ZHX2: variants seen among roughly 807,000 people sequenced by gnomAD.
ZHX2 encodes zinc fingers and homeoboxes protein 2.
Under a neutral mutation model 21.9 loss-of-function variants are expected in ZHX2, and 6 were observed. That is an observed-to-expected ratio of 0.27 (90% CI 0.15 to 0.54). The LOEUF is 0.54. ZHX2 is among the 20% of genes least tolerant of loss of function. The pLI, the probability that ZHX2 is intolerant of heterozygous loss-of-function variation, is 0.95. For synonymous variants in ZHX2, 434 were observed against 437.1 expected (o/e 0.99, Z 0.09); for missense variants, 908 against 1,090.7 (o/e 0.83, Z 2.36).
At chr8:122,943,411 C>T (rs1443972688) in intron 2 of ZHX2, among the ~76,000 whole-genome samples, 2 of 152,196 alleles carry the variant, frequency 1.3e-5, no homozygotes, top group African/African-American at 4.8e-5. Flanking sequence ...TGACCTTGAC[C>T]AAGCTCCTTA....
At chr8:122,890,718 A>C (rs1393948515) in intron 2 of ZHX2, among the ~76,000 whole-genome samples, 1 of 152,022 alleles carries the variant, frequency 6.6e-6, no homozygotes, top group Non-Finnish European at 1.5e-5. Flanking sequence ...TCTTGTAGCT[A>C]TTGTAAATGG....
intron 1 of ZHX2, among the ~76,000 whole-genome samples, chr8:122,850,251 G>A (rs56867117): frequency 6.6e-6 from 1 of 152,244 alleles, no homozygotes; most frequent in African/African-American, 2.4e-5. Flanking sequence ...TTTGATGGGT[G>A]TGAGTGACGC....
intron 1 of ZHX2, among the ~76,000 whole-genome samples, chr8:122,812,971 G>A (rs972731679): frequency 6.6e-6 from 1 of 152,148 alleles, no homozygotes; most frequent in Admixed American, 6.5e-5. Flanking sequence ...CAAGGCAGGC[G>A]GTTCACCTGA....
Position 122,854,748 on chromosome 8 carries a change from A to G in ZHX2, c.-282-8729A>G, listed in dbSNP as rs553479739. On this transcript the variant is annotated intron_variant, in intron 1 of 3. Transcript: ENST00000314393. Reference sequence around the variant, plus strand: ...CTATGCATCTTTCAATCCAGCTCCCATGGCACCTCCAACCAGGCTGCCCTT... The same window carrying G: ...CTATGCATCTTTCAATCCAGCTCCCGTGGCACCTCCAACCAGGCTGCCCTT... 1.1e-4 allele frequency among the ~76,000 whole-genome samples: 17 copies of G among 152,228 alleles called. No homozygotes were observed. In the South Asian group the frequency reaches 2.1e-3, roughly 19 times the overall value.
At chr8:122,811,634 G>C (rs1817931713) in intron 1 of ZHX2, among the ~76,000 whole-genome samples, 1 of 152,190 alleles carries the variant, frequency 6.6e-6, no homozygotes, top group African/African-American at 2.4e-5. Flanking sequence ...TTGCAGGAGA[G>C]TAACTGAGTT....
intron 1 of ZHX2, among the ~76,000 whole-genome samples, chr8:122,803,844 A>G (rs1005787233): frequency 1.3e-5 from 2 of 152,144 alleles, no homozygotes; most frequent in South Asian, 2.1e-4. Context: ...GAATCTCTGG[A>G]ATATGGGTGC....
At chr8:122,898,946 GTTC>G (rs1373765518) in intron 2 of ZHX2, among the ~76,000 whole-genome samples, 1 of 152,152 alleles carries the variant, frequency 6.6e-6, no homozygotes, top group Non-Finnish European at 1.5e-5. Flanking sequence ...TCCCGGCCTT[GTTC>G]TTCTGGTTGT....
At chr8:122,862,465 T>C (rs1312911484) in intron 1 of ZHX2, among the ~76,000 whole-genome samples, 1 of 152,064 alleles carries the variant, frequency 6.6e-6, no homozygotes. Context: ...CACCTGAAGG[T>C]CTTGTTAAAA....
At chr8:122,957,997 C>T (rs1268140383) in intron 3 of ZHX2, among the ~76,000 whole-genome samples, 2 of 152,170 alleles carry the variant, frequency 1.3e-5, no homozygotes, top group Non-Finnish European at 2.9e-5. Context: ...TATTTAGGAA[C>T]CTGCAGTTCA....
chr8:122,817,503 C>T (rs1209744056), intron 1 of ZHX2, among the ~76,000 whole-genome samples: 1 of 152,240 alleles, frequency 6.6e-6, no homozygotes, highest in Non-Finnish European at 1.5e-5. Context: ...CACTGCTGGG[C>T]ACACTACCTC....
intron 2 of ZHX2, among the ~76,000 whole-genome samples, chr8:122,871,225 A>C (rs906658414): frequency 3.9e-5 from 6 of 152,086 alleles, no homozygotes; most frequent in Non-Finnish European, 7.4e-5. Flanking sequence ...GAAGGCTTTT[A>C]GGATCAGCAC....
chr8:122,950,878 A>T (rs1813093175), intron 2 of ZHX2, among the ~76,000 whole-genome samples: 1 of 151,830 alleles, frequency 6.6e-6, no homozygotes, highest in Non-Finnish European at 1.5e-5. Context: ...AAATGTTCAT[A>T]TCTGTTTTCT....
chr8:122,843,321 T>C (rs1355893774), intron 1 of ZHX2, among the ~76,000 whole-genome samples: 1 of 152,246 alleles, frequency 6.6e-6, no homozygotes, highest in Non-Finnish European at 1.5e-5. Flanking sequence ...TGATCAGGAC[T>C]TTCTAGAGCA....
chr8:122,863,275 T>TTTTC (rs1030960136), intron 1 of ZHX2: 1 of 150,876 alleles, frequency 6.6e-6, no homozygotes, highest in African/African-American at 2.4e-5. Flanking sequence ...TTTTTTTTTT[T>TTTTC]TTCTTTTTTT....
chr8:122,941,736 TC>T (rs1450313254), intron 2 of ZHX2, among the ~76,000 whole-genome samples: 3 of 151,982 alleles, frequency 2.0e-5, no homozygotes, highest in Non-Finnish European at 4.4e-5. Flanking sequence ...CCCAACCAGT[TC>T]TGAATTAGAA....
intron 1 of ZHX2, among the ~76,000 whole-genome samples, chr8:122,788,668 C>A (rs1452437607): frequency 6.6e-6 from 1 of 152,220 alleles, no homozygotes; most frequent in East Asian, 1.9e-4. Flanking sequence ...AATTCAAACT[C>A]AGCTCAGTCT....
chr8:122,801,470 G>A (rs890172403), intron 1 of ZHX2, among the ~76,000 whole-genome samples: 97 of 151,918 alleles, frequency 6.4e-4, no homozygotes, highest in African/African-American at 1.9e-3. Flanking sequence ...TAAGGGGCCC[G>A]ACACGGTGGC....
intron 2 of ZHX2, among the ~76,000 whole-genome samples, chr8:122,866,101 C>G (rs982244858): frequency 6.6e-6 from 1 of 152,218 alleles, no homozygotes; most frequent in African/African-American, 2.4e-5. Context: ...TACTATCCTC[C>G]TTCCCTCCGG....
At chr8:122,963,046 G>C (rs1457676291) in intron 3 of ZHX2, among the ~76,000 whole-genome samples, 2 of 151,708 alleles carry the variant, frequency 1.3e-5, no homozygotes, top group African/African-American at 4.9e-5. Context: ...CGTAGTTTGT[G>C]AATATTTTCT....
Sources: gnomAD v4.1 joint callset for allele counts (sites outside exome capture counted in the v4.1 genomes callset) on GRCh38, gnomAD v4.1.1 for gene constraint, MANE v1.5 for transcripts, NCBI Gene and HGNC (gene_info 2026-07-23, HGNC 2026-07-21) for gene names.